Variants in HEMK2 observed in about 807,000 individuals in gnomAD.
The protein encoded by HEMK2 is HemK methyltransferase 2, ETF1 glutamine and histone H4 lysine, also known as methyltransferase HEMK2.
chr21:28,583,792 C>T, the HEMK2 span, among the ~76,000 whole-genome samples: 30 of 151,802 alleles, frequency 2.0e-4, no homozygotes, highest in African/African-American at 6.5e-4. Context: ...CTATTTTATG[C>T]TCAAGAACAG....
At chr21:28,770,411 A>C in the HEMK2 span, among the ~76,000 whole-genome samples, 97 of 152,144 alleles carry the variant, frequency 6.4e-4, no homozygotes, top group Non-Finnish European at 1.2e-3. Context: ...AAGTGAAGGG[A>C]AGAGGATGGG....
the HEMK2 span, among the ~76,000 whole-genome samples, chr21:28,797,882 A>T: frequency 6.6e-6 from 1 of 152,200 alleles, no homozygotes; most frequent in South Asian, 2.1e-4. Context: ...AGAGGCTTAA[A>T]GGAGCATTTA....
At chr21:28,806,339 T>C in the HEMK2 span, among the ~76,000 whole-genome samples, 2 of 152,232 alleles carry the variant, frequency 1.3e-5, no homozygotes, top group African/African-American at 4.8e-5. Flanking sequence ...TCATATGCCA[T>C]ATGTAACATG....
chr21:28,623,548 A>T, the HEMK2 span, among the ~76,000 whole-genome samples: 1 of 152,232 alleles, frequency 6.6e-6, no homozygotes, highest in Non-Finnish European at 1.5e-5. Flanking sequence ...TGTTTATTAC[A>T]GCACTGTTCA....
chr21:28,787,794 G>C, the HEMK2 span, among the ~76,000 whole-genome samples: 2 of 152,158 alleles, frequency 1.3e-5, no homozygotes. Flanking sequence ...AGAGAAAACA[G>C]TGTGGAGATT....
the HEMK2 span, chr21:28,885,111 TCCGGCTCAGGGCGGTGATAGTCA>T: frequency 4.5e-5 from 63 of 1,412,662 alleles, no homozygotes; most frequent in African/African-American, 8.6e-4. Flanking sequence ...CCCCGCCTGC[TCCGGCTCAGGGCGGTGATAGTCA>T]CCGTTCCGGC....
the HEMK2 span, among the ~76,000 whole-genome samples, chr21:28,869,468 ACAC>A: frequency 6.6e-6 from 1 of 152,178 alleles, no homozygotes; most frequent in Non-Finnish European, 1.5e-5. Flanking sequence ...TTTTTGTCTA[ACAC>A]AATTATTTAG....
At chr21:28,784,387 G>A in the HEMK2 span, among the ~76,000 whole-genome samples, 1 of 151,916 alleles carries the variant, frequency 6.6e-6, no homozygotes, top group African/African-American at 2.4e-5. Context: ...CTAGCTCAAG[G>A]TTTGTAAGTG....
At chr21:28,603,285 A>G in the HEMK2 span, among the ~76,000 whole-genome samples, 32 of 152,306 alleles carry the variant, frequency 2.1e-4, no homozygotes, top group African/African-American at 7.7e-4. Flanking sequence ...CTTCTGGAGA[A>G]CCCAATCTAG....
chr21:28,667,248 T>G, the HEMK2 span, among the ~76,000 whole-genome samples: 1 of 152,200 alleles, frequency 6.6e-6, no homozygotes, highest in Admixed American at 6.5e-5. Context: ...TAAACATGTG[T>G]TGTTTTGACA....
chr21:28,692,811 TA>T, the HEMK2 span, among the ~76,000 whole-genome samples: 1 of 152,148 alleles, frequency 6.6e-6, no homozygotes, highest in East Asian at 1.9e-4. Context: ...AAGAGGCTAT[TA>T]TTCTACAATA....
chr21:28,708,839 T>C, the HEMK2 span, among the ~76,000 whole-genome samples: 1 of 151,678 alleles, frequency 6.6e-6, no homozygotes, highest in African/African-American at 2.4e-5. Flanking sequence ...AAGAATGGAG[T>C]GGTTTCTCAA....
At chr21:28,724,928 C>A in the HEMK2 span, among the ~76,000 whole-genome samples, 6 of 137,696 alleles carry the variant, frequency 4.4e-5, no homozygotes, top group Admixed American at 3.7e-4. Context: ...ACTACAGGTG[C>A]ACACCACCAT....
chr21:28,831,873 C>G, the HEMK2 span, among the ~76,000 whole-genome samples: 1 of 152,016 alleles, frequency 6.6e-6, no homozygotes, highest in Non-Finnish European at 1.5e-5. Flanking sequence ...GTCATTTTTA[C>G]TATACGTACA....
the HEMK2 span, among the ~76,000 whole-genome samples, chr21:28,656,797 G>A: frequency 6.6e-6 from 1 of 151,932 alleles, no homozygotes; most frequent in Non-Finnish European, 1.5e-5. Context: ...TATAGTACAA[G>A]GACTTAAGTG....
the HEMK2 span, among the ~76,000 whole-genome samples, chr21:28,841,082 ATAT>A: frequency 5.4e-5 from 2 of 37,138 alleles, 1 homozygote; most frequent in Non-Finnish European, 7.7e-5. Context: ...TATATATTAT[ATAT>A]TATATATATT....
At chr21:28,657,584 G>C in the HEMK2 span, among the ~76,000 whole-genome samples, 17 of 151,926 alleles carry the variant, frequency 1.1e-4, no homozygotes, top group Non-Finnish European at 2.2e-4. Context: ...GCAGAGAAAA[G>C]ACAAAACAAA....
At chr21:28,768,674 GT>G in the HEMK2 span, among the ~76,000 whole-genome samples, 1 of 152,002 alleles carries the variant, frequency 6.6e-6, no homozygotes, top group Non-Finnish European at 1.5e-5. Flanking sequence ...AGTGAGATGA[GT>G]TCCTTTCCCT....
At chr21:28,764,491 A>T in the HEMK2 span, among the ~76,000 whole-genome samples, 1 of 152,124 alleles carries the variant, frequency 6.6e-6, no homozygotes, top group Non-Finnish European at 1.5e-5. Context: ...AAAAGCTACA[A>T]TGAAACCTGT....
Sources: gnomAD v4.1 joint callset for allele counts (sites outside exome capture counted in the v4.1 genomes callset) on GRCh38, gnomAD v4.1.1 for gene constraint, MANE v1.5 for transcripts, NCBI Gene and HGNC (gene_info 2026-07-23, HGNC 2026-07-21) for gene names.